Variants in PITPNB observed in about 807,000 individuals in gnomAD.
The protein encoded by PITPNB is phosphatidylinositol transfer protein beta isoform.
In PITPNB, 16 loss-of-function variants were observed where a neutral mutation model predicts 45.9. That is an observed-to-expected ratio of 0.35 (90% CI 0.24 to 0.53). PITPNB has a LOEUF of 0.53. PITPNB is among the 20% of genes least tolerant of loss of function. The pLI is 0.93. For synonymous variants in PITPNB, 112 were observed against 108.9 expected (o/e 1.03, Z -0.18); for missense variants, 188 against 330.5 (o/e 0.57, Z 3.34).
intron 7 of PITPNB, among the ~76,000 whole-genome samples, chr22:27,890,537 G>C (rs752171493): frequency 2.3e-4 from 35 of 151,784 alleles, no homozygotes; most frequent in Non-Finnish European, 4.3e-4. Context: ...GTATGAAGCT[G>C]GGCGCGGTGG....
chr22:27,884,601 G>C (rs1342330723), intron 7 of PITPNB, among the ~76,000 whole-genome samples: 3 of 152,112 alleles, frequency 2.0e-5, no homozygotes, highest in Non-Finnish European at 4.4e-5. Flanking sequence ...TGGCACTGTG[G>C]TCACACAATG....
intron 3 of PITPNB, among the ~76,000 whole-genome samples, chr22:27,909,112 AG>A (rs1935844635): frequency 6.6e-6 from 1 of 152,116 alleles, no homozygotes; most frequent in Non-Finnish European, 1.5e-5. Context: ...TAGAGGCAAA[AG>A]ATCCCCCACC....
At position 27,860,151 on chromosome 22, in the gene PITPNB, C is replaced by T; in HGVS notation, c.625G>A (p.Val209Ile). ...TTTACCTTTTGAATGAAGTTTTCTA[C>T]TTTGCTTTGCAGTCCCCACCACTTG... ...KFKWWGLQSK[V>I]ENFIQKQEKR... The change falls in exon 9 of 12, where the codon GTA becomes ATA. Residue 209 changes from valine (V) to isoleucine (I), a missense_variant. Coordinates refer to ENST00000335272, the MANE Select transcript of PITPNB (RefSeq NM_012399.5). The T allele has an allele frequency of 6.2e-7, 1 of 1,610,696 alleles. No individual in the cohort carries two copies. The highest frequency in any genetic ancestry group is 8.5e-7 in the Non-Finnish European group (1 of 1,176,980).
chr22:27,898,901 A>T (rs1401190872), intron 3 of PITPNB, among the ~76,000 whole-genome samples: 2 of 152,234 alleles, frequency 1.3e-5, no homozygotes, highest in African/African-American at 4.8e-5. Flanking sequence ...TTAACAAACA[A>T]ATGGGAAAAT....
chr22:27,910,565 A>G (rs1165309302), intron 3 of PITPNB: 1 of 160,916 alleles, frequency 6.2e-6, no homozygotes, highest in Non-Finnish European at 1.4e-5. Context: ...TTCATCAGAA[A>G]TAAAGCAAAC....
At chr22:27,905,721 G>A (rs1337858586) in intron 3 of PITPNB, among the ~76,000 whole-genome samples, 2 of 152,054 alleles carry the variant, frequency 1.3e-5, no homozygotes, top group South Asian at 2.1e-4. Flanking sequence ...CCATCAATCA[G>A]GACTGACTGA....
At chr22:27,906,202 GA>G (rs1569032613) in intron 3 of PITPNB, among the ~76,000 whole-genome samples, 1 of 152,156 alleles carries the variant, frequency 6.6e-6, no homozygotes. Flanking sequence ...ATAAGGGGCT[GA>G]AAAAAACGCT....
intron 7 of PITPNB, 41 bp downstream of exon 7, chr22:27,894,514 T>G (rs1340263796): frequency 1.9e-6 from 2 of 1,051,496 alleles, no homozygotes; most frequent in Non-Finnish European, 2.9e-6. Flanking sequence ...AATTTTTAAC[T>G]GTAAAAGGGA....
chr22:27,880,271 G>A (rs1934931718), intron 7 of PITPNB, among the ~76,000 whole-genome samples: 1 of 152,158 alleles, frequency 6.6e-6, no homozygotes, highest in South Asian at 2.1e-4. Flanking sequence ...TTAGACTCAA[G>A]TACCTGAAGG....
At chr22:27,857,447 T>C (rs1934204721) in intron 10 of PITPNB, among the ~76,000 whole-genome samples, 1 of 152,212 alleles carries the variant, frequency 6.6e-6, no homozygotes, top group African/African-American at 2.4e-5. Context: ...TTTACGATGC[T>C]ATGTGCCAGA....
chr22:27,899,616 C>A (rs1463193214), intron 3 of PITPNB, among the ~76,000 whole-genome samples: 2 of 152,176 alleles, frequency 1.3e-5, no homozygotes, highest in Admixed American at 1.3e-4. Flanking sequence ...AGCCACCGCG[C>A]CCGGCCTGAT....
Position 27,911,123 on chromosome 22 carries a change from G to A in PITPNB, c.52-14C>T, listed in dbSNP as rs1935909250. 6.2e-7 allele frequency: 1 copy of A among 1,607,034 alleles called. No homozygotes were observed. Among genetic ancestry groups the A allele is most frequent in the Admixed American group, 1.7e-5 (1 of 59,948 alleles). ...CCCAACCTGATACTGAAATTTCAAA[G>A]AATACAGAAACTGAGTAAGTCAGTA... On this transcript the variant is annotated splice_polypyrimidine_tract_variant and intron_variant, in intron 2 of 11. Coordinates refer to ENST00000335272, the MANE Select transcript of PITPNB (RefSeq NM_012399.5).
chr22:27,894,414 C>T, intron 7 of PITPNB, 141 bp downstream of exon 7: 3 of 584,386 alleles, frequency 5.1e-6, no homozygotes, highest in South Asian at 2.2e-5. Context: ...AGACTTCACT[C>T]CAAGCTCACT....
At chr22:27,919,043 AG>A (rs1020707046) in intron 1 of PITPNB, 128 bp downstream of exon 1, 87 of 1,379,246 alleles carry the variant, frequency 6.3e-5, no homozygotes, top group Admixed American at 4.1e-4. Context: ...CGGGGGAGGG[AG>A]GGGGCGCCCG....
At chr22:27,861,024 GAAAAAAAAAAAA>G (rs35013749) in intron 8 of PITPNB, among the ~76,000 whole-genome samples, 1 of 57,816 alleles carries the variant, frequency 1.7e-5, no homozygotes, top group South Asian at 6.6e-4. Context: ...CCCATTTCTG[GAAAAAAAAAAAA>G]AAAAAAAAAA....
intron 7 of PITPNB, among the ~76,000 whole-genome samples, chr22:27,888,513 G>C (rs546449583): frequency 6.6e-6 from 1 of 152,282 alleles, no homozygotes; most frequent in African/African-American, 2.4e-5. Context: ...TTGTATTCCA[G>C]TACAAACTCT....
intron 8 of PITPNB, 53 bp from the exon 9 acceptor site, chr22:27,860,294 C>T: frequency 9.1e-7 from 1 of 1,101,346 alleles, no homozygotes. Flanking sequence ...TTTATGTTTT[C>T]ATTAAAATTG....
intron 2 of PITPNB, among the ~76,000 whole-genome samples, chr22:27,912,563 C>CA (rs1302167206): frequency 2.0e-5 from 3 of 151,248 alleles, no homozygotes; most frequent in African/African-American, 7.3e-5. Context: ...GAACTGTATC[C>CA]AAAAAAACGT....
At chr22:27,865,686 A>T (rs1341451505) in intron 8 of PITPNB, among the ~76,000 whole-genome samples, 1 of 152,154 alleles carries the variant, frequency 6.6e-6, no homozygotes, top group Non-Finnish European at 1.5e-5. Context: ...TGGCTTTAAA[A>T]AAATACAAAT....
Sources: gnomAD v4.1 joint callset for allele counts (sites outside exome capture counted in the v4.1 genomes callset) on GRCh38, gnomAD v4.1.1 for gene constraint, MANE v1.5 for transcripts, NCBI Gene and HGNC (gene_info 2026-07-23, HGNC 2026-07-21) for gene names.